Variants in HERC2 observed in about 807,000 individuals in gnomAD.
HERC2 encodes the protein E3 ubiquitin-protein ligase HERC2.
HERC2 carries 102 observed loss-of-function variants against 537.7 expected under a neutral mutation model. The observed-to-expected ratio is 0.19, with a 90% CI of 0.16 to 0.22. The LOEUF (loss-of-function observed/expected upper bound fraction) is 0.22, where lower values mean the gene tolerates loss of function less well. HERC2 is among the 10% of genes least tolerant of loss of function. HERC2 has a pLI of 1.00. For missense variants in HERC2, 4,236 were observed against 6,198.2 expected, an observed-to-expected ratio of 0.68 and a Z score of 10.63; for synonymous variants, 2,224 against 2,466.2, an observed-to-expected ratio of 0.90 and a Z score of 2.91.
intron 86 of HERC2, 88 bp from the exon 87 acceptor site, chr15:28,117,242 G>A: frequency 1.5e-6 from 2 of 1,319,282 alleles, no homozygotes; most frequent in Non-Finnish European, 2.2e-6. Context: ...GAATGCACGA[G>A]GAGGAGGCAC....
intron 2 of HERC2, chr15:28,315,950 A>G (rs2077071021): frequency 2.5e-6 from 1 of 396,916 alleles, no homozygotes; most frequent in Non-Finnish European, 5.0e-6. Flanking sequence ...CTCATAAACA[A>G]AATGCCCATG....
chr15:28,155,873 T>C (rs1447133383), intron 69 of HERC2, among the ~76,000 whole-genome samples: 1 of 152,194 alleles, frequency 6.6e-6, no homozygotes, highest in Non-Finnish European at 1.5e-5. Flanking sequence ...CTAGGTCTTC[T>C]TCTAGGGTTT....
intron 2 of HERC2, among the ~76,000 whole-genome samples, chr15:28,301,635 C>CA (rs553654442): frequency 0.14 from 14,992 of 106,706 alleles, 2,181 homozygotes; most frequent in African/African-American, 0.38. Context: ...CCTTGTCTGG[C>CA]AAAAAAAAAA....
At chr15:28,163,967 G>A (rs983432883) in intron 68 of HERC2, among the ~76,000 whole-genome samples, 1 of 152,166 alleles carries the variant, frequency 6.6e-6, no homozygotes, top group Non-Finnish European at 1.5e-5. Context: ...CCTTGCCCAG[G>A]ATGGCCGCCC....
intron 75 of HERC2, 124 bp from the exon 76 acceptor site, chr15:28,142,517 A>C (rs1891328537): frequency 1.0e-6 from 1 of 964,212 alleles, no homozygotes; most frequent in Admixed American, 2.7e-5. Flanking sequence ...CAGCAAGGAT[A>C]CGGCCACCAT....
At chr15:28,174,749 AAAC>A (rs1251291875) in intron 64 of HERC2, 129 bp from the exon 65 acceptor site, 2 of 750,644 alleles carry the variant, frequency 2.7e-6, no homozygotes, top group Non-Finnish European at 4.3e-6. Flanking sequence ...TTAAAGGTAA[AAAC>A]AAACCATTTC....
At position 28,132,088 on chromosome 15, in the gene HERC2, A is replaced by G. The variant is rs779155332; in HGVS notation, c.12570+12T>C. On this transcript the variant is annotated intron_variant, in intron 81 of 92. Transcript: ENST00000261609. ...CTGGGAGAGCACTGGGCAGGGAAAG[A>G]ATGGGAAATACCTTCATAGGCACTT... 2 of 1,584,074 alleles carry G rather than the reference A, an allele frequency of 1.3e-6. No homozygotes were observed. The highest frequency in any genetic ancestry group is 3.4e-5 in the Admixed American group (2 of 58,284).
intron 68 of HERC2, 75 bp from the exon 69 acceptor site, chr15:28,163,360 A>C (rs936371816): frequency 1.5e-6 from 2 of 1,349,338 alleles, no homozygotes; most frequent in Non-Finnish European, 2.1e-6. Flanking sequence ...GTTTACCCAT[A>C]AACTCAGAGA....
In HERC2 at chr15:28,210,682, TG is replaced by T. The variant is rs1401735478; in HGVS notation, c.7069+319del. On this transcript the variant is annotated intron_variant, in intron 44 of 92. Transcript: ENST00000261609. Reference sequence around the variant, plus strand: ...TGTTACAATACAGGCTCTATTTCTTTGGTCTGGGGTGCGGCCTGGGAGTCTG... The same window carrying T: ...TGTTACAATACAGGCTCTATTTCTTTGTCTGGGGTGCGGCCTGGGAGTCTG... 2.0e-5 allele frequency among the ~76,000 whole-genome samples: 3 copies of T among 152,070 alleles called. No individual in the cohort carries two copies. In the East Asian group the frequency reaches 5.9e-4, roughly 30 times the overall value.
chr15:28,115,373 A>G, intron 89 of HERC2, 56 bp downstream of exon 89: 1 of 1,203,248 alleles, frequency 8.3e-7, no homozygotes, highest in Non-Finnish European at 1.2e-6. Context: ...CCCGCAGAAC[A>G]GACTGTGCCT....
chr15:28,155,603 T>C (rs1892919991), intron 69 of HERC2, among the ~76,000 whole-genome samples: 2 of 137,770 alleles, frequency 1.5e-5, no homozygotes, highest in South Asian at 4.1e-4. Flanking sequence ...GCCCACTTGT[T>C]GATGGGGTTG....
At chr15:28,119,192 T>C (rs1888606126) in intron 86 of HERC2, among the ~76,000 whole-genome samples, 1 of 151,950 alleles carries the variant, frequency 6.6e-6, no homozygotes, top group Non-Finnish European at 1.5e-5. Context: ...AGTCAGGAGT[T>C]TGGGACCAGC....
At chr15:28,294,080 T>A (rs537523127) in intron 3 of HERC2, among the ~76,000 whole-genome samples, 2 of 152,364 alleles carry the variant, frequency 1.3e-5, no homozygotes, top group African/African-American at 4.8e-5. Context: ...AAACAGTTCC[T>A]CTGTTTACAA....
chr15:28,162,216 G>A (rs529746775), intron 69 of HERC2, among the ~76,000 whole-genome samples: 1 of 152,278 alleles, frequency 6.6e-6, no homozygotes, highest in East Asian at 1.9e-4. Context: ...TGTAATCCCA[G>A]CTACTCAGGA....
At chr15:28,301,754 T>C (rs1470532400) in intron 2 of HERC2, among the ~76,000 whole-genome samples, 3 of 112,540 alleles carry the variant, frequency 2.7e-5, no homozygotes, top group Middle Eastern at 3.8e-3. Context: ...TATATATATA[T>C]ATATATATAT....
intron 2 of HERC2, among the ~76,000 whole-genome samples, chr15:28,308,158 A>G (rs554595502): frequency 2.8e-4 from 43 of 152,246 alleles, no homozygotes; most frequent in African/African-American, 1.0e-3. Flanking sequence ...TGGACATTTT[A>G]ACAATATTGA....
At chr15:28,206,779 G>A (rs1431795604) in intron 44 of HERC2, among the ~76,000 whole-genome samples, 3 of 140,070 alleles carry the variant, frequency 2.1e-5, no homozygotes, top group Non-Finnish European at 3.0e-5. Context: ...CTTGCAGTGA[G>A]CTGAGATTGT....
In HERC2 at chr15:28,217,414, T is replaced by C. The variant is rs1485410147; in HGVS notation, c.6028+1075A>G. Among the ~76,000 whole-genome samples, 3 of 152,240 alleles carry C rather than the reference T, an allele frequency of 2.0e-5. No homozygotes were observed. The East Asian group carries it at 5.8e-4, about 29-fold the overall frequency. On this transcript the variant is annotated intron_variant, in intron 38 of 92. Transcript: ENST00000261609. ...GCTCAGCCACTTGCCCATCGACCGC[T>C]AACACACTCACTCTCATCAATATGT...
At chr15:28,275,060 C>A in intron 5 of HERC2, 55 bp from the exon 6 acceptor site, 1 of 1,134,014 alleles carries the variant, frequency 8.8e-7, no homozygotes, top group Non-Finnish European at 1.3e-6. Flanking sequence ...GGTGCAGATA[C>A]TACATAAAAT....
Sources: allele counts gnomAD v4.1 joint callset (sites outside exome capture counted in the v4.1 genomes callset), GRCh38; gene constraint gnomAD v4.1.1; transcripts MANE v1.5; gene names NCBI Gene and HGNC (gene_info 2026-07-23, HGNC 2026-07-21).